Variants in IQSEC1 observed in about 807,000 individuals in gnomAD.
IQSEC1 encodes the protein IQ motif and SEC7 domain-containing protein 1.
Under a neutral mutation model 91.0 loss-of-function variants are expected in IQSEC1, and 31 were observed. That is an observed-to-expected ratio of 0.34 (90% CI 0.26 to 0.46). The LOEUF (loss-of-function observed/expected upper bound fraction) is 0.46, where lower values mean the gene tolerates loss of function less well. Ranked by LOEUF, IQSEC1 falls within the 20% of genes least tolerant of loss-of-function variation. The pLI is 1.00. For synonymous variants in IQSEC1, 699 were observed against 662.6 expected (o/e 1.05, Z -0.84); for missense variants, 1,388 against 1,575.6 (o/e 0.88, Z 2.02).
Position 12,908,221 on chromosome 3 carries a change from G to A in IQSEC1, c.2755+128C>T, listed in dbSNP as rs1695193065. ...CACACGCTGCTCTGCTTTGCGGAAG[G>A]TCAGGGGAAATGCCGCACTGGCTTC... is the stretch of plus-strand genomic sequence containing the variant. On this transcript the variant is annotated intron_variant, in intron 12 of 13. Coordinates refer to ENST00000613206, the MANE Select transcript of IQSEC1 (RefSeq NM_001134382.3). The surrounding 1 kb of genome is among the most constrained non-coding windows in gnomAD (Gnocchi z 4.9). 1.0e-6 allele frequency: 1 copy of A among 957,090 alleles called. No homozygotes were observed. Among genetic ancestry groups the A allele is most frequent in the African/African-American group, 1.6e-5 (1 of 61,108 alleles). The allele number at this position is 957,090 out of a possible 1,614,324, so 59.3% of individuals were successfully genotyped here.
intron 2 of IQSEC1, among the ~76,000 whole-genome samples, chr3:13,146,622 T>A (rs1053453982): frequency 6.6e-6 from 1 of 152,146 alleles, no homozygotes; most frequent in African/African-American, 2.4e-5. Context: ...GGCGGATCAT[T>A]TAAGGCCAAG....
chr3:12,926,538 A>G (rs1697153372), intron 3 of IQSEC1, among the ~76,000 whole-genome samples: 1 of 152,236 alleles, frequency 6.6e-6, no homozygotes, highest in South Asian at 2.1e-4. Flanking sequence ...TGCTTCCTCA[A>G]GAGTCCATGA....
chr3:13,153,298 C>G (rs1576273858), intron 2 of IQSEC1, among the ~76,000 whole-genome samples: 3 of 152,280 alleles, frequency 2.0e-5, no homozygotes, highest in African/African-American at 2.4e-5. Flanking sequence ...AATCCCCTAC[C>G]CTTTAGAACA....
chr3:13,036,314 T>C (rs2125023921), intron 1 of IQSEC1, among the ~76,000 whole-genome samples: 1 of 152,306 alleles, frequency 6.6e-6, no homozygotes, highest in Admixed American at 6.5e-5. Context: ...CTCTCTGCCT[T>C]CAGTTTTTCC....
intron 1 of IQSEC1, among the ~76,000 whole-genome samples, chr3:13,016,064 T>G (rs1321543053): frequency 1.3e-5 from 2 of 151,754 alleles, no homozygotes; most frequent in East Asian, 1.9e-4. Flanking sequence ...GGTGCCCTAC[T>G]TACTTAGCAG....
intron 2 of IQSEC1, among the ~76,000 whole-genome samples, chr3:13,099,719 G>A (rs905560631): frequency 6.6e-6 from 1 of 152,136 alleles, no homozygotes; most frequent in Non-Finnish European, 1.5e-5. Flanking sequence ...CCGCCAACCC[G>A]GGACAACTTC....
At position 12,979,552 on chromosome 3, in the gene IQSEC1, G is replaced by A. The variant is rs1701354102; in HGVS notation, c.24-37687C>T. On this transcript the variant is annotated intron_variant, in intron 1 of 13. Coordinates refer to ENST00000613206, the MANE Select transcript of IQSEC1 (RefSeq NM_001134382.3). The surrounding 1 kb of genome is among the most constrained non-coding windows in gnomAD (Gnocchi z 4.3). The stretch of plus-strand genomic sequence containing the variant: ...CCTGGACAGCGGTTGTCTCTGGGGA[G>A]GGGAATGGGACGTGGAAGGGCGTGG... Among the ~76,000 whole-genome samples, 1 of 152,216 alleles carries A rather than the reference G, an allele frequency of 6.6e-6. No individual in the cohort carries two copies. The highest frequency in any genetic ancestry group is 2.4e-5 in the African/African-American group (1 of 41,438).
chr3:12,967,452 G>A lies in IQSEC1; in HGVS notation c.24-25587C>T. The A allele has an allele frequency of 1.3e-6, 2 of 1,519,286 alleles. No homozygotes were observed. The highest frequency in any genetic ancestry group is 1.8e-6 in the Non-Finnish European group (2 of 1,138,926). The allele number at this position is 1,519,286 out of a possible 1,614,324, so 94.1% of individuals were successfully genotyped here. ...CCGAGTTGCAGTGCAGGCACCACAT[G>A]GCGGCCGCAGTGGGAGCGGGCCGGG... On this transcript the variant is annotated intron_variant, in intron 1 of 13. Transcript: ENST00000613206. This position sits in a 1 kb window ranked among gnomAD's most constrained non-coding sequence, Gnocchi z 5.9.
At chr3:13,132,211 G>A (rs1706632938) in intron 2 of IQSEC1, among the ~76,000 whole-genome samples, 1 of 152,164 alleles carries the variant, frequency 6.6e-6, no homozygotes, top group Admixed American at 6.5e-5. Flanking sequence ...TTGTTAGGTG[G>A]GTCCCAAGCA....
chr3:12,967,576 C>T lies in IQSEC1; in HGVS notation c.24-25711G>A. On this transcript the variant is annotated intron_variant, in intron 1 of 13. Transcript: ENST00000613206. This position sits in a 1 kb window ranked among gnomAD's most constrained non-coding sequence, Gnocchi z 5.9. The stretch of plus-strand genomic sequence containing the variant: ...CCCGGCCACCCGGAGACCCGACCAC[C>T]CGCCACGCGATCACGTCGGGGCTCC... 1 of 1,324,730 alleles carries T rather than the reference C, an allele frequency of 7.5e-7. No homozygotes were observed. Among genetic ancestry groups the T allele is most frequent in the Non-Finnish European group, 9.6e-7 (1 of 1,044,278 alleles). The allele number at this position is 1,324,730 out of a possible 1,614,324, so 82.1% of individuals were successfully genotyped here.
rs375126340 is a variant in IQSEC1 at position 13,151,936 on chromosome 3, A to T, written c.302+12168T>A. On this transcript the variant is annotated intron_variant, in intron 2 of 15. Coordinates refer to the IQSEC1 transcript ENST00000648114. ...ACCCAAGATCGAGTCACTGTACTCC[A>T]GGCTGGGTGACAGAAGCGAAACTCC... Among the ~76,000 whole-genome samples, 18 of 152,338 alleles carry T rather than the reference A, an allele frequency of 1.2e-4. No individual in the cohort carries two copies. The East Asian group carries it at 3.5e-3, about 29-fold the overall frequency.
At chr3:12,948,586 C>A (rs1699333661) in intron 1 of IQSEC1, among the ~76,000 whole-genome samples, 1 of 152,188 alleles carries the variant, frequency 6.6e-6, no homozygotes, top group African/African-American at 2.4e-5. Context: ...CCACGGATGT[C>A]TCTAATTATG....
At chr3:13,197,222 T>G (rs1037383873) in intron 1 of IQSEC1, among the ~76,000 whole-genome samples, 2 of 152,206 alleles carry the variant, frequency 1.3e-5, no homozygotes, top group African/African-American at 4.8e-5. Flanking sequence ...TTCCTTCACT[T>G]GAACGGGAAA....
intron 1 of IQSEC1, among the ~76,000 whole-genome samples, chr3:13,249,447 C>A (rs1314139939): frequency 6.6e-6 from 1 of 152,152 alleles, no homozygotes; most frequent in Non-Finnish European, 1.5e-5. Context: ...GCTGAGATTA[C>A]AAGCGTGAGC....
At chr3:13,164,432 A>G (rs357160) in intron 1 of IQSEC1, among the ~76,000 whole-genome samples, 137,026 of 152,224 alleles carry the variant, frequency 0.9, 61,920 homozygotes, top group African/African-American at 0.97. Context: ...CCCAGGAGTC[A>G]AGAGCAAAGC....
At chr3:13,171,254 G>T (rs115878993) in intron 1 of IQSEC1, among the ~76,000 whole-genome samples, 4 of 152,166 alleles carry the variant, frequency 2.6e-5, no homozygotes, top group Non-Finnish European at 5.9e-5. Flanking sequence ...AGACAGATGA[G>T]GTGGTCCACT....
chr3:13,204,805 CTT>C (rs536785311), intron 1 of IQSEC1, among the ~76,000 whole-genome samples: 31 of 139,012 alleles, frequency 2.2e-4, no homozygotes, highest in Non-Finnish European at 2.5e-4. Flanking sequence ...ATCTTTCTTT[CTT>C]TTTTTTTTTT....
chr3:13,030,421 C>T (rs1001815695), intron 1 of IQSEC1, among the ~76,000 whole-genome samples: 1 of 152,170 alleles, frequency 6.6e-6, no homozygotes, highest in Admixed American at 6.5e-5. Flanking sequence ...TTATGGTGCA[C>T]TCTCTTTATG....
In IQSEC1 at chr3:12,943,119, G is replaced by C. The variant is rs568886738; in HGVS notation, c.24-1254C>G. On this transcript the variant is annotated intron_variant, in intron 1 of 13. Transcript: ENST00000613206. ...CATCGACTCCCCTTTTTCAGGTGAG[G>C]AGACTGAGGCCTACAGGGGGTGCCA... 1.7e-3 allele frequency among the ~76,000 whole-genome samples: 252 copies of C among 152,282 alleles called. 2 individuals carry two copies. The highest frequency in any genetic ancestry group is 3.4e-3 in the Middle Eastern group (1 of 294).
Sources: allele counts gnomAD v4.1 joint callset (sites outside exome capture counted in the v4.1 genomes callset), GRCh38; gene constraint gnomAD v4.1.1; non-coding constraint Gnocchi (gnomAD v3.1); transcripts MANE v1.5; gene names NCBI Gene and HGNC (gene_info 2026-07-23, HGNC 2026-07-21).